Variants in EML2 observed in about 807,000 individuals in gnomAD.
The protein encoded by EML2 is echinoderm microtubule-associated protein-like 2.
EML2 carries 59 observed loss-of-function variants against 84.7 expected under a neutral mutation model. The observed-to-expected ratio is 0.70, with a 90% CI of 0.56 to 0.86. The LOEUF (loss-of-function observed/expected upper bound fraction) is 0.86, where lower values mean the gene tolerates loss of function less well. Among genes scored for constraint, EML2 ranks in the 40% least tolerant of loss-of-function variants. EML2 has a pLI of 0.00. For synonymous variants in EML2, 352 were observed against 348.9 expected (o/e 1.01, Z -0.10); for missense variants, 818 against 855.6 (o/e 0.96, Z 0.55).
chr19:45,618,593 A>G (rs1490892751), intron 12 of EML2, among the ~76,000 whole-genome samples: 1 of 150,992 alleles, frequency 6.6e-6, no homozygotes, highest in Non-Finnish European at 1.5e-5. Context: ...TACTCCTCCA[A>G]CCCTTCTGAG....
chr19:45,615,734 T>A (rs2122617989), intron 16 of EML2, 68 bp downstream of exon 16: 734 of 1,143,990 alleles, frequency 6.4e-4, no homozygotes, highest in Middle Eastern at 8.9e-4. Flanking sequence ...CTCCCTCCCC[T>A]CCCAGAACTC....
chr19:45,627,859 C>T (rs556946230), intron 7 of EML2, among the ~76,000 whole-genome samples: 1 of 151,744 alleles, frequency 6.6e-6, no homozygotes, highest in Non-Finnish European at 1.5e-5. Flanking sequence ...GTCGGGAGTT[C>T]GAGGCCAGCC....
intron 9 of EML2, among the ~76,000 whole-genome samples, chr19:45,624,267 C>G (rs1972046298): frequency 6.6e-6 from 1 of 152,198 alleles, no homozygotes; most frequent in African/African-American, 2.4e-5. Context: ...TGTTCCTTTA[C>G]CCAGTCACTC....
chr19:45,615,421 G>A (rs1970920557), intron 16 of EML2, among the ~76,000 whole-genome samples: 1 of 151,484 alleles, frequency 6.6e-6, no homozygotes, highest in Non-Finnish European at 1.5e-5. Flanking sequence ...AGGAGGCTGA[G>A]GCAGAAGAAT....
intron 18 of EML2, 100 bp from the exon 19 acceptor site, chr19:45,609,888 T>TTC: frequency 5.2e-5 from 12 of 231,710 alleles, no homozygotes; most frequent in South Asian, 1.2e-4. Context: ...GCTCTTCCTC[T>TTC]TTTTTTTTTT....
At chr19:45,633,162 G>A in intron 4 of EML2, 23 bp from the exon 5 acceptor site, 1 of 1,603,816 alleles carries the variant, frequency 6.2e-7, no homozygotes, top group African/African-American at 1.3e-5. Flanking sequence ...GGGACAGAGA[G>A]ACCAGGGCTC....
chr19:45,625,717 C>T (rs993004859), intron 8 of EML2, among the ~76,000 whole-genome samples: 3 of 152,188 alleles, frequency 2.0e-5, no homozygotes, highest in African/African-American at 7.2e-5. Flanking sequence ...GGGGTGGAAG[C>T]CCCATCTCTC....
upstream of EML2, chr19:45,641,808 G>A (rs1974539761): frequency 1.3e-6 from 2 of 1,524,886 alleles, no homozygotes; most frequent in Non-Finnish European, 1.8e-6. Context: ...AGTGCCGTGA[G>A]CAAGCGAGAT....
Position 45,632,918 on chromosome 19 carries a change from G to T in EML2, c.453C>A (p.His151Gln). 3 of 1,614,224 alleles carry T rather than the reference G, an allele frequency of 1.9e-6. No individual in the cohort carries two copies. Among genetic ancestry groups the T allele is most frequent in the Non-Finnish European group, 2.5e-6 (3 of 1,180,040 alleles). ...IWDSVSLSTLHVLGLGVFDRA... is the reference protein window; with the variant it reads ...IWDSVSLSTLQVLGLGVFDRA... ...TGTCAAACACCCCCAAGCCCAGCAC[G>T]TGTAAGGTGGAGAGGGAAACTGAGT... The change falls in exon 6 of 19, where the codon CAC becomes CAA. Residue 151 changes from histidine (H) to glutamine (Q), a missense_variant. By Grantham distance (24) the His-to-Gln change is conservative. Transcript: ENST00000245925.
intron 17 of EML2, among the ~76,000 whole-genome samples, chr19:45,614,150 T>C (rs906587596): frequency 6.6e-6 from 1 of 152,144 alleles, no homozygotes; most frequent in Non-Finnish European, 1.5e-5. Flanking sequence ...CCTGATTCCC[T>C]CCAAGAGTAG....
upstream of EML2, chr19:45,641,636 C>G: frequency 6.5e-7 from 1 of 1,536,078 alleles, no homozygotes; most frequent in Non-Finnish European, 8.7e-7. Flanking sequence ...CGCCCCAGTC[C>G]TTACCCTTCC....
At chr19:45,625,434 G>A (rs766250318) in intron 8 of EML2, among the ~76,000 whole-genome samples, 16 of 152,098 alleles carry the variant, frequency 1.1e-4, no homozygotes, top group Non-Finnish European at 1.5e-4. Context: ...GTAGAGATGG[G>A]GTTTTGCCAT....
At position 45,638,492 on chromosome 19, in the gene EML2, A is replaced by T; in HGVS notation, c.179+13T>A. On this transcript the variant is annotated intron_variant, in intron 3 of 18. Transcript: ENST00000245925. ...GGGATGGGAGCACCAAGGAGATTCC[A>T]GCAAAAGGATACACCCACTCCAGCT... 1.2e-6 allele frequency: 2 copies of T among 1,613,962 alleles called. No homozygotes were observed. The highest frequency in any genetic ancestry group is 1.7e-6 in the Non-Finnish European group (2 of 1,180,016).
intron 4 of EML2, among the ~76,000 whole-genome samples, chr19:45,633,668 G>T (rs772784585): frequency 6.6e-6 from 1 of 152,082 alleles, no homozygotes; most frequent in Non-Finnish European, 1.5e-5. Context: ...GAACCCAGGA[G>T]CGGAGGTTGC....
chr19:45,640,056 G>C (rs1172596737), upstream of EML2: 2 of 152,218 alleles, frequency 1.3e-5, no homozygotes, highest in Admixed American at 6.5e-5. Context: ...GGTGAAATTG[G>C]TTAATTATTG....
intron 17 of EML2, 55 bp downstream of exon 17, chr19:45,614,550 G>T: frequency 6.8e-7 from 1 of 1,473,868 alleles, no homozygotes; most frequent in Non-Finnish European, 9.5e-7. Context: ...CCACCAGCGG[G>T]GATGTCTCTC....
rs73050347 is a variant in EML2, at chr19:45,616,745, G to A, written c.1411+20C>T. On this transcript the variant is annotated intron_variant, in intron 14 of 18. Coordinates refer to ENST00000245925, the MANE Select transcript of EML2 (RefSeq NM_012155.4). ...TGTCCCCTGGCCCTGCCGCTTGGGT[G>A]TCCCAGGCCTGCCGCTTACCTGGGG... The A allele has an allele frequency of 0.13, 202,611 of 1,605,926 alleles. 13,622 individuals carry two copies. Among genetic ancestry groups the A allele is most frequent in the East Asian group, 0.22 (9,681 of 44,682 alleles).
intron 7 of EML2, among the ~76,000 whole-genome samples, chr19:45,627,521 C>T (rs1184486777): frequency 6.6e-6 from 1 of 152,106 alleles, no homozygotes; most frequent in Admixed American, 6.6e-5. Context: ...TCCTAAAGTG[C>T]TGGGATTACA....
intron 3 of EML2, 86 bp downstream of exon 3, chr19:45,638,419 A>G (rs6509227): frequency 0.38 from 608,678 of 1,586,374 alleles, 118,825 homozygotes; most frequent in East Asian, 0.55. Flanking sequence ...CAAAGTGCTG[A>G]GATTACAGGC....
Sources: allele counts gnomAD v4.1 joint callset (sites outside exome capture counted in the v4.1 genomes callset), GRCh38; gene constraint gnomAD v4.1.1; transcripts MANE v1.5; gene names NCBI Gene and HGNC (gene_info 2026-07-23, HGNC 2026-07-21).